Variants in OLFM3 observed in about 807,000 individuals in gnomAD.
OLFM3 encodes the protein olfactomedin 3.
A neutral mutation model predicts 48.6 loss-of-function variants in OLFM3; 20 were observed. That is an observed-to-expected ratio of 0.41 (90% CI 0.29 to 0.60). The LOEUF (loss-of-function observed/expected upper bound fraction) is 0.60, where lower values mean the gene tolerates loss of function less well. Among genes scored for constraint, OLFM3 ranks in the 20% least tolerant of loss-of-function variants. The pLI, the probability that OLFM3 is intolerant of heterozygous loss-of-function variation, is 0.28. For missense variants in OLFM3, 437 were observed against 544.3 expected (o/e 0.80, Z 1.96); for synonymous variants, 222 against 198.1 (o/e 1.12, Z -1.01).
chr1:101,985,444 G>T (rs376309104), intron 1 of OLFM3, among the ~76,000 whole-genome samples: 5 of 152,120 alleles, frequency 3.3e-5, no homozygotes, highest in East Asian at 3.9e-4. Flanking sequence ...TCATTAGAAG[G>T]TGTAACTCAA....
chr1:101,929,138 G>C (rs1659367495), intron 1 of OLFM3, among the ~76,000 whole-genome samples: 1 of 152,134 alleles, frequency 6.6e-6, no homozygotes, highest in Admixed American at 6.6e-5. Context: ...TCTAGCAGCA[G>C]CAATTGCACA....
At chr1:101,882,316 C>CATATATATATATATAAT (rs1228776866) in intron 1 of OLFM3, among the ~76,000 whole-genome samples, 1 of 115,030 alleles carries the variant, frequency 8.7e-6, no homozygotes, top group African/African-American at 3.2e-5. Flanking sequence ...AATATAAGTG[C>CATATATATATATATAAT]ATATATATAT....
chr1:101,995,469 C>T (rs1323300171), intron 1 of OLFM3, among the ~76,000 whole-genome samples: 1 of 151,880 alleles, frequency 6.6e-6, no homozygotes, highest in Non-Finnish European at 1.5e-5. Flanking sequence ...CAGAGTGAAG[C>T]GTTTACATCA....
intron 1 of OLFM3, among the ~76,000 whole-genome samples, chr1:101,915,100 G>T (rs1292877525): frequency 6.6e-6 from 1 of 152,076 alleles, no homozygotes; most frequent in Non-Finnish European, 1.5e-5. Flanking sequence ...TCATACTAAT[G>T]CTACATTGCA....
chr1:101,961,571 C>T (rs942536250), intron 1 of OLFM3, among the ~76,000 whole-genome samples: 1 of 151,980 alleles, frequency 6.6e-6, no homozygotes, highest in Non-Finnish European at 1.5e-5. Context: ...AGATCCTTGA[C>T]AGACTAAAGG....
At chr1:101,929,869 C>T (rs1177382035) in intron 1 of OLFM3, among the ~76,000 whole-genome samples, 1 of 151,866 alleles carries the variant, frequency 6.6e-6, no homozygotes, top group Non-Finnish European at 1.5e-5. Flanking sequence ...TTTTAAAGTA[C>T]ATGTAGAAAA....
chr1:101,894,605 A>G (rs188474628), intron 1 of OLFM3, among the ~76,000 whole-genome samples: 1 of 152,230 alleles, frequency 6.6e-6, no homozygotes, highest in African/African-American at 2.4e-5. Context: ...ATGTCATTTA[A>G]TATTTCCAGT....
intron 1 of OLFM3, among the ~76,000 whole-genome samples, chr1:101,988,293 T>G (rs1217769875): frequency 6.6e-6 from 1 of 152,066 alleles, no homozygotes; most frequent in Non-Finnish European, 1.5e-5. Flanking sequence ...AAATGGACAC[T>G]AAGAGGATAT....
At chr1:101,903,872 T>G (rs529132911) in intron 1 of OLFM3, among the ~76,000 whole-genome samples, 14 of 152,214 alleles carry the variant, frequency 9.2e-5, no homozygotes, top group African/African-American at 3.1e-4. Flanking sequence ...TTATTTTTAG[T>G]TATTATTTTT....
intron 1 of OLFM3, among the ~76,000 whole-genome samples, chr1:101,864,197 T>G (rs1344922255): frequency 6.3e-5 from 9 of 142,400 alleles, no homozygotes; most frequent in Non-Finnish European, 1.1e-4. Context: ...GTTCATATCC[T>G]TTTTTTTTTT....
intron 1 of OLFM3, among the ~76,000 whole-genome samples, chr1:101,916,634 G>C (rs1658935753): frequency 6.6e-6 from 1 of 152,262 alleles, no homozygotes; most frequent in Non-Finnish European, 1.5e-5. Flanking sequence ...GCTAAGGACA[G>C]TATTTTAATC....
At chr1:101,887,782 G>C (rs1006119219) in intron 1 of OLFM3, among the ~76,000 whole-genome samples, 1 of 151,556 alleles carries the variant, frequency 6.6e-6, no homozygotes, top group Admixed American at 6.6e-5. Context: ...CCTTAAAATT[G>C]TCTGTTAAAA....
At chr1:101,861,062 T>C (rs1168897672) in intron 1 of OLFM3, among the ~76,000 whole-genome samples, 1 of 151,906 alleles carries the variant, frequency 6.6e-6, no homozygotes, top group Admixed American at 6.6e-5. Flanking sequence ...ATAGTTTGAT[T>C]TGATTATATT....
At chr1:101,833,255 T>A (rs896431840) in intron 2 of OLFM3, among the ~76,000 whole-genome samples, 1 of 152,280 alleles carries the variant, frequency 6.6e-6, no homozygotes, top group Non-Finnish European at 1.5e-5. Flanking sequence ...GGCTTGATGG[T>A]GACCTATATT....
intron 1 of OLFM3, among the ~76,000 whole-genome samples, chr1:101,874,663 G>T (rs117313361): frequency 6.6e-6 from 1 of 151,804 alleles, no homozygotes; most frequent in African/African-American, 2.4e-5. Context: ...GGAGTTTGAG[G>T]CTCAAAAACA....
chr1:101,812,496 TGA>T, intron 4 of OLFM3: 3 of 985,378 alleles, frequency 3.0e-6, no homozygotes, highest in Non-Finnish European at 3.6e-6. Flanking sequence ...TTTCAGATGT[TGA>T]GGTGTGCATA....
At chr1:101,987,274 C>T (rs991227827) in intron 1 of OLFM3, among the ~76,000 whole-genome samples, 1 of 152,156 alleles carries the variant, frequency 6.6e-6, no homozygotes, top group African/African-American at 2.4e-5. Flanking sequence ...GCGTAAGCTT[C>T]GCATTACTCT....
intron 1 of OLFM3, among the ~76,000 whole-genome samples, chr1:101,847,647 A>G (rs1656063041): frequency 6.6e-6 from 1 of 152,234 alleles, no homozygotes; most frequent in Admixed American, 6.5e-5. Context: ...CTGAACAGAC[A>G]GAAAAGAGAA....
chr1:101,817,677 T>G (rs1654403774), intron 4 of OLFM3, among the ~76,000 whole-genome samples: 1 of 152,110 alleles, frequency 6.6e-6, no homozygotes, highest in Non-Finnish European at 1.5e-5. Context: ...GCTCTGGATT[T>G]GAATCCTAAG....
Sources: allele counts gnomAD v4.1 joint callset (sites outside exome capture counted in the v4.1 genomes callset), GRCh38; gene constraint gnomAD v4.1.1; transcripts MANE v1.5; gene names NCBI Gene and HGNC (gene_info 2026-07-23, HGNC 2026-07-21).